Variants in ANTXR1 observed in about 807,000 individuals in gnomAD.
The protein encoded by ANTXR1 is anthrax toxin receptor 1.
ANTXR1 carries 19 observed loss-of-function variants against 78.1 expected under a neutral mutation model. The observed-to-expected ratio is 0.24, with a 90% CI of 0.17 to 0.36. ANTXR1 has a LOEUF of 0.36. ANTXR1 is among the 10% of genes least tolerant of loss of function. The pLI, the probability that ANTXR1 is intolerant of heterozygous loss-of-function variation, is 1.00. For missense variants in ANTXR1, 518 were observed against 718.6 expected (o/e 0.72, Z 3.19); for synonymous variants, 273 against 260.5 (o/e 1.05, Z -0.46).
intron 10 of ANTXR1, among the ~76,000 whole-genome samples, chr2:69,115,268 G>A (rs1334626540): frequency 6.6e-6 from 1 of 152,190 alleles, no homozygotes; most frequent in African/African-American, 2.4e-5. Flanking sequence ...TAAGTAACTT[G>A]CTTCTTATCA....
At chr2:69,196,366 C>T (rs545392414) in intron 17 of ANTXR1, among the ~76,000 whole-genome samples, 7 of 152,334 alleles carry the variant, frequency 4.6e-5, no homozygotes, top group Admixed American at 2.6e-4. Context: ...AAATAAGATA[C>T]ATGAGAGAAA....
chr2:69,090,806 G>A, intron 8 of ANTXR1, 53 bp from the exon 9 acceptor site: 1 of 1,586,726 alleles, frequency 6.3e-7, no homozygotes, highest in South Asian at 1.1e-5. Flanking sequence ...CCCTGATTCT[G>A]TCTTTGAACA....
chr2:69,204,705 C>T (rs1674855264), intron 17 of ANTXR1, among the ~76,000 whole-genome samples: 1 of 152,160 alleles, frequency 6.6e-6, no homozygotes, highest in Non-Finnish European at 1.5e-5. Context: ...CAGACTCAGC[C>T]TTATCTCTTG....
At chr2:69,238,207 A>G (rs1183567558) in intron 17 of ANTXR1, among the ~76,000 whole-genome samples, 1 of 152,192 alleles carries the variant, frequency 6.6e-6, no homozygotes, top group East Asian at 1.9e-4. Flanking sequence ...CTAGCTCAGC[A>G]TAGTTGTCCA....
intron 16 of ANTXR1, among the ~76,000 whole-genome samples, chr2:69,187,760 G>T (rs1056873199): frequency 8.6e-5 from 13 of 150,720 alleles, no homozygotes; most frequent in South Asian, 6.3e-4. Context: ...GCTAATTTTT[G>T]TATTTTTTTT....
At chr2:69,024,898 G>A (rs1310089838) in intron 1 of ANTXR1, among the ~76,000 whole-genome samples, 2 of 152,056 alleles carry the variant, frequency 1.3e-5, no homozygotes, top group Admixed American at 6.6e-5. Flanking sequence ...ATCTGATGTC[G>A]ATACTATCTT....
At chr2:69,073,597 T>C (rs1277271191) in intron 6 of ANTXR1, among the ~76,000 whole-genome samples, 2 of 152,232 alleles carry the variant, frequency 1.3e-5, no homozygotes, top group African/African-American at 4.8e-5. Context: ...ATCTCTCTTT[T>C]AATAGTTCCT....
intron 12 of ANTXR1, among the ~76,000 whole-genome samples, chr2:69,147,453 C>T (rs1338228852): frequency 1.3e-5 from 2 of 152,176 alleles, no homozygotes; most frequent in African/African-American, 4.8e-5. Flanking sequence ...CTGCCATGGT[C>T]CCCCTCCCTC....
intron 16 of ANTXR1, among the ~76,000 whole-genome samples, chr2:69,184,901 AC>A (rs1164059313): frequency 6.6e-6 from 1 of 152,202 alleles, no homozygotes; most frequent in Non-Finnish European, 1.5e-5. Flanking sequence ...CCAGAATCTC[AC>A]AAAAGTCCTC....
intron 17 of ANTXR1, among the ~76,000 whole-genome samples, chr2:69,234,181 T>C (rs1675697042): frequency 6.6e-6 from 1 of 152,226 alleles, no homozygotes; most frequent in Admixed American, 6.5e-5. Context: ...TTACAATATG[T>C]TGTGGAACTA....
intron 14 of ANTXR1, among the ~76,000 whole-genome samples, chr2:69,172,084 A>G (rs1162604279): frequency 6.6e-6 from 1 of 152,270 alleles, no homozygotes; most frequent in African/African-American, 2.4e-5. Context: ...TGAGCTGGAC[A>G]GATGACTAGT....
chr2:69,099,355 C>T (rs1671536806), intron 9 of ANTXR1, among the ~76,000 whole-genome samples: 1 of 152,154 alleles, frequency 6.6e-6, no homozygotes, highest in African/African-American at 2.4e-5. Context: ...AGTTGATGAA[C>T]ATTTAGGTTA....
chr2:69,053,468 G>A (rs1054423747), intron 3 of ANTXR1, among the ~76,000 whole-genome samples: 11 of 152,072 alleles, frequency 7.2e-5, no homozygotes, highest in African/African-American at 1.4e-4. Context: ...CTAGGATCCC[G>A]GGGTGGTGGG....
At chr2:69,183,007 A>C in intron 16 of ANTXR1, 1 of 287,264 alleles carries the variant, frequency 3.5e-6, no homozygotes. Context: ...TCACCATGGC[A>C]AGGTACTGGA....
At chr2:69,213,665 G>A (rs1464970399) in intron 17 of ANTXR1, among the ~76,000 whole-genome samples, 2 of 152,244 alleles carry the variant, frequency 1.3e-5, no homozygotes, top group Non-Finnish European at 2.9e-5. Context: ...TGGAAGCACA[G>A]CTTGGTGGGG....
In ANTXR1 at chr2:69,053,576, C is replaced by G. The variant is rs183516241; in HGVS notation, c.296+8763C>G. 5.3e-5 allele frequency among the ~76,000 whole-genome samples: 8 copies of G among 152,182 alleles called. No individual in the cohort carries two copies. The South Asian group carries it at 1.2e-3, about 24-fold the overall frequency. On this transcript the variant is annotated intron_variant, in intron 3 of 17. Transcript: ENST00000303714. ...TTTCAGCAGTGAAGAAACATTTTCT[C>G]TATTATATCAGTTAGCTATTTCTAC...
At chr2:69,073,962 T>C (rs1008444571) in intron 6 of ANTXR1, among the ~76,000 whole-genome samples, 1 of 152,248 alleles carries the variant, frequency 6.6e-6, no homozygotes, top group Non-Finnish European at 1.5e-5. Context: ...AACAACTATT[T>C]ACTTTAAATT....
intron 3 of ANTXR1, among the ~76,000 whole-genome samples, chr2:69,068,345 TG>T: frequency 6.6e-6 from 1 of 152,216 alleles, no homozygotes; most frequent in Non-Finnish European, 1.5e-5. Context: ...AGCAAAATTG[TG>T]GGGTACCAGG....
Position 69,013,376 on chromosome 2 carries a change from C to A in ANTXR1, c.-124C>A. On this transcript the variant is annotated 5_prime_UTR_variant, in exon 1 of 18. Coordinates refer to ENST00000303714, the MANE Select transcript of ANTXR1 (RefSeq NM_032208.3). The surrounding 1 kb of genome is among the most constrained non-coding windows in gnomAD (Gnocchi z 5.0). ...CCAGACAATTGCTTCCGGGGAGTTGCGAGGGAGCGAGGGGGAATAAAGGAC... is the reference window on the plus strand; with the variant it reads ...CCAGACAATTGCTTCCGGGGAGTTGAGAGGGAGCGAGGGGGAATAAAGGAC... The A allele has an allele frequency of 7.5e-7, 1 of 1,341,788 alleles. No individual in the cohort carries two copies. Among genetic ancestry groups the A allele is most frequent in the Non-Finnish European group, 1.0e-6 (1 of 966,848 alleles). The allele number at this position is 1,341,788 out of a possible 1,614,324, so 83.1% of individuals were successfully genotyped here. A position where few individuals can be genotyped will look rare whatever the true frequency, so the allele number is the denominator to read the frequency against.
Sources: gnomAD v4.1 joint callset for allele counts (sites outside exome capture counted in the v4.1 genomes callset) on GRCh38, gnomAD v4.1.1 for gene constraint, Gnocchi (gnomAD v3.1) non-coding constraint, MANE v1.5 for transcripts, NCBI Gene and HGNC (gene_info 2026-07-23, HGNC 2026-07-21) for gene names.